Variants in CFTR observed in about 807,000 individuals in gnomAD.
CFTR encodes CF transmembrane conductance regulator, also known as cystic fibrosis transmembrane conductance regulator.
Under a neutral mutation model 171.6 loss-of-function variants are expected in CFTR, and 181 were observed. That is an observed-to-expected ratio of 1.05 (90% CI 0.93 to 1.19). CFTR has a LOEUF of 1.19. Ranked by LOEUF, CFTR falls within the 50% of genes most tolerant of loss-of-function variation. The pLI is 0.00. For missense variants in CFTR, 1,968 were observed against 1,734.7 expected, an observed-to-expected ratio of 1.13 and a Z score of -2.39; for synonymous variants, 583 against 608.0, an observed-to-expected ratio of 0.96 and a Z score of 0.60.
chr7:117,665,877 T>C (rs1368456989), intron 26 of CFTR, among the ~76,000 whole-genome samples: 1 of 152,208 alleles, frequency 6.6e-6, no homozygotes, highest in East Asian at 1.9e-4. Context: ...TGTTTAAGAT[T>C]TTAAAAAAGG....
chr7:117,663,731 T>C (rs1793324853), intron 24 of CFTR, among the ~76,000 whole-genome samples: 1 of 152,182 alleles, frequency 6.6e-6, no homozygotes. Flanking sequence ...GAGCCCATCT[T>C]ACCTCCTCAT....
intron 1 of CFTR, among the ~76,000 whole-genome samples, chr7:117,485,383 GA>G (rs1798057902): frequency 2.0e-5 from 3 of 152,256 alleles, no homozygotes; most frequent in African/African-American, 7.2e-5. Flanking sequence ...GTCAAAAGGG[GA>G]AAACAGACTA....
chr7:117,665,361 A>T, intron 25 of CFTR, 98 bp from the exon 26 acceptor site: 1 of 758,892 alleles, frequency 1.3e-6, no homozygotes, highest in Non-Finnish European at 2.2e-6. Context: ...AGAAATAAGT[A>T]ATTTAAAGAG....
chr7:117,559,656 G>A lies in CFTR; in HGVS notation c.1584+1G>A, dbSNP rs397508230. On this transcript the variant is annotated splice_donor_variant, in intron 11 of 26. Coordinates refer to ENST00000003084, the MANE Select transcript of CFTR (RefSeq NM_000492.4). LOFTEE classifies it high-confidence loss of function. ...CATCAAAGCATGCCAACTAGAAGAG[G>A]TAAGAAACTATGTGAAAACTTTTTG... 1.2e-6 allele frequency: 2 copies of A among 1,609,906 alleles called. No individual in the cohort carries two copies. The highest frequency in any genetic ancestry group is 1.1e-5 in the South Asian group (1 of 90,996).
chr7:117,586,469 T>C (rs984647624), intron 11 of CFTR: 11 of 152,198 alleles, frequency 7.2e-5, no homozygotes, highest in Admixed American at 4.6e-4. Context: ...GGGCAGCAGC[T>C]AGCATGATGC....
chr7:117,606,759 T>TA lies in CFTR; in HGVS notation c.2988+11dup. ...CCATATTTGACTTCATCCAGGTATG[T>TA]AAAAATAAGTACCGTTAAGTATGTC... On this transcript the variant is annotated splice_region_variant and intron_variant, in intron 18 of 26. Coordinates refer to ENST00000003084, the MANE Select transcript of CFTR (RefSeq NM_000492.4). The TA allele has an allele frequency of 1.4e-6, 2 of 1,430,488 alleles. No homozygotes were observed. The highest frequency in any genetic ancestry group is 2.0e-6 in the Non-Finnish European group (2 of 1,012,826). The allele number at this position is 1,430,488 out of a possible 1,614,324, so 88.6% of individuals were successfully genotyped here.
In CFTR at chr7:117,587,784, G is replaced by A. The variant is rs762224063; in HGVS notation, c.1630G>A (p.Gly544Ser). Residue 544 changes from glycine (G) to serine (S), a missense_variant, in exon 12 of 27, where the codon GGT becomes AGT. Gly to Ser is a moderately conservative substitution (Grantham distance 56). Coordinates refer to ENST00000003084, the MANE Select transcript of CFTR (RefSeq NM_000492.4). ...GAAAGACAATATAGTTCTTGGAGAA[G>A]GTGGAATCACACTGAGTGGAGGTCA... Reference protein sequence around the residue: ...AEKDNIVLGEGGITLSGGQRA... With the variant: ...AEKDNIVLGESGITLSGGQRA... 3.3e-5 allele frequency: 53 copies of A among 1,612,226 alleles called. 1 individual carries two copies. The South Asian group carries it at 3.5e-4, about 11-fold the overall frequency.
At chr7:117,614,197 C>A (rs1272422956) in intron 20 of CFTR, among the ~76,000 whole-genome samples, 1 of 151,872 alleles carries the variant, frequency 6.6e-6, no homozygotes, top group Non-Finnish European at 1.5e-5. Flanking sequence ...ACACTCTTCC[C>A]CTGCTTTTGG....
intron 20 of CFTR, among the ~76,000 whole-genome samples, chr7:117,612,482 A>T (rs564283589): frequency 6.6e-6 from 1 of 152,242 alleles, no homozygotes; most frequent in Non-Finnish European, 1.5e-5. Context: ...TTTCATAATA[A>T]GTAAAATAAA....
chr7:117,546,087 G>A (rs777015701), intron 9 of CFTR, among the ~76,000 whole-genome samples: 4 of 151,964 alleles, frequency 2.6e-5, no homozygotes, highest in South Asian at 2.1e-4. Context: ...TCTGCTGCCC[G>A]GGTTCAAGCG....
intron 11 of CFTR, among the ~76,000 whole-genome samples, chr7:117,582,305 A>G (rs1034951063): frequency 1.4e-4 from 21 of 152,148 alleles, no homozygotes; most frequent in African/African-American, 4.8e-4. Flanking sequence ...ACATTATCCA[A>G]TTCAATATTC....
In CFTR at chr7:117,664,866, T is replaced by C; in HGVS notation, c.4136+6T>C. On this transcript the variant is annotated splice_donor_region_variant and intron_variant, in intron 25 of 26. Coordinates refer to ENST00000003084, the MANE Select transcript of CFTR (RefSeq NM_000492.4). ...AGTGCTCATTTGGATCCAGTGTGAG[T>C]TTCAGATGTTCTGTTACTTAATAGC... 1 of 1,613,704 alleles carries C rather than the reference T, an allele frequency of 6.2e-7. No individual in the cohort carries two copies. The highest frequency in any genetic ancestry group is 1.1e-5 in the South Asian group (1 of 91,080).
At chr7:117,599,622 GT>G (rs1480929589) in intron 15 of CFTR, among the ~76,000 whole-genome samples, 1 of 152,056 alleles carries the variant, frequency 6.6e-6, no homozygotes, top group African/African-American at 2.4e-5. Flanking sequence ...GTTTTGGCCA[GT>G]ATCCTCTAGA....
At chr7:117,622,381 T>C (rs145380885) in intron 21 of CFTR, among the ~76,000 whole-genome samples, 1,708 of 152,258 alleles carry the variant, frequency 0.011, 19 homozygotes, top group Non-Finnish European at 0.015. Flanking sequence ...GTGTCAGGTC[T>C]GTGTTAGCGA....
intron 1 of CFTR, among the ~76,000 whole-genome samples, chr7:117,501,273 C>T (rs1469123373): frequency 1.3e-5 from 2 of 152,132 alleles, no homozygotes; most frequent in African/African-American, 2.4e-5. Context: ...CCATTACCCT[C>T]ATTCTAAGCC....
intron 11 of CFTR, among the ~76,000 whole-genome samples, chr7:117,584,218 T>G (rs1791895225): frequency 6.6e-6 from 1 of 152,180 alleles, no homozygotes; most frequent in African/African-American, 2.4e-5. Context: ...TTATTTGCTT[T>G]TGGGATCTTA....
intron 11 of CFTR, among the ~76,000 whole-genome samples, chr7:117,574,167 T>C (rs1414768682): frequency 6.6e-6 from 1 of 152,030 alleles, no homozygotes; most frequent in East Asian, 1.9e-4. Flanking sequence ...CAAAGATAAA[T>C]GTTTAACAGT....
intron 17 of CFTR, among the ~76,000 whole-genome samples, chr7:117,605,750 A>G (rs1424899654): frequency 6.6e-6 from 1 of 152,130 alleles, no homozygotes; most frequent in Non-Finnish European, 1.5e-5. Flanking sequence ...AGTGTGTTTA[A>G]AGAATAGACC....
At chr7:117,504,133 T>C in intron 1 of CFTR, 120 bp from the exon 2 acceptor site, 1 of 712,596 alleles carries the variant, frequency 1.4e-6, no homozygotes. Context: ...TGACTTATTT[T>C]ATTCTCATAT....
Sources: allele counts gnomAD v4.1 joint callset (sites outside exome capture counted in the v4.1 genomes callset), GRCh38; gene constraint gnomAD v4.1.1; transcripts MANE v1.5; gene names NCBI Gene and HGNC (gene_info 2026-07-23, HGNC 2026-07-21).